Variants in MAP3K6 observed in about 807,000 individuals in gnomAD.
MAP3K6 encodes the protein mitogen-activated protein kinase kinase kinase 6, also known as apoptosis signal-regulating kinase 2.
MAP3K6 carries 105 observed loss-of-function variants against 147.1 expected under a neutral mutation model. The observed-to-expected ratio is 0.71, with a 90% confidence interval of 0.61 to 0.84. The LOEUF is 0.84. Ranked by LOEUF, MAP3K6 falls within the 40% of genes least tolerant of loss-of-function variation. The probability of loss-of-function intolerance (pLI) is 0.00; values close to 1 mark genes in which losing one functional copy is unlikely to be tolerated. For synonymous variants in MAP3K6, 695 were observed against 732.4 expected (o/e 0.95, Z 0.82); for missense variants, 1,569 against 1,715.0 (o/e 0.91, Z 1.50).
chr1:27,363,803 A>G (rs1374313122), intron 5 of MAP3K6, 114 bp downstream of exon 5: 2 of 1,048,968 alleles, frequency 1.9e-6, no homozygotes, highest in Admixed American at 2.7e-5. Flanking sequence ...ACTCAGAGAC[A>G]TTGGATAATT....
chr1:27,360,373 G>A lies in MAP3K6; in HGVS notation c.2055-5C>T. The stretch of plus-strand genomic sequence containing the variant: ...TCATGCAGGGGCTGAGAGAACCTGA[G>A]GGGAGGTAAGGGAGAGAGGAAAGGG... On this transcript the variant is annotated splice_region_variant and splice_polypyrimidine_tract_variant and intron_variant, in intron 15 of 28. Coordinates refer to ENST00000357582, the MANE Select transcript of MAP3K6 (RefSeq NM_004672.5). This position sits in a 1 kb window ranked among gnomAD's most constrained non-coding sequence, Gnocchi z 4.5. The A allele has an allele frequency of 1.2e-6, 2 of 1,612,822 alleles. No homozygotes were observed. Among genetic ancestry groups the A allele is most frequent in the Non-Finnish European group, 1.7e-6 (2 of 1,179,540 alleles).
In MAP3K6 at chr1:27,360,776, C is replaced by A. The variant is rs769286392; in HGVS notation, c.1983G>T (p.Val661=). The part of the protein sequence containing the change: ...RLVLGKGTYG[V]VYAGRDRHTR... ...TGTGGCGATCGCGGCCCGCGTACAC[C>A]ACCCCATACGTGCCCTTGCCCAGCA... The change falls in exon 15 of 29, where the codon GTG becomes GTT. Residue 661 remains valine (V), a synonymous_variant. Coordinates refer to ENST00000357582, the MANE Select transcript of MAP3K6 (RefSeq NM_004672.5). The surrounding 1 kb of genome is among the most constrained non-coding windows in gnomAD (Gnocchi z 4.5). The A allele has an allele frequency of 6.2e-7, 1 of 1,612,716 alleles. No individual in the cohort carries two copies. Among genetic ancestry groups the A allele is most frequent in the South Asian group, 1.1e-5 (1 of 91,082 alleles).
At chr1:27,355,811 C>T (rs2148045285) in intron 27 of MAP3K6, 66 bp from the exon 28 acceptor site, 1 of 1,468,896 alleles carries the variant, frequency 6.8e-7, no homozygotes, top group South Asian at 1.1e-5. Flanking sequence ...TGTCGAGACC[C>T]AGGTACTAGC....
Position 27,360,344 on chromosome 1 carries a change from C to T in MAP3K6, c.2079G>A (p.Glu693=). ...DSRFSQPLHE[E]IALHRRLRHK... Reference sequence around the variant, plus strand: ...GGCGCAGGCGTCTGTGAAGAGCGATCTCTTCATGCAGGGGCTGAGAGAACC... The same window carrying T: ...GGCGCAGGCGTCTGTGAAGAGCGATTTCTTCATGCAGGGGCTGAGAGAACC... The change falls in exon 16 of 29, where the codon GAG becomes GAA. Residue 693 remains glutamate (E), a synonymous_variant. Coordinates refer to ENST00000357582, the MANE Select transcript of MAP3K6 (RefSeq NM_004672.5). This position sits in a 1 kb window ranked among gnomAD's most constrained non-coding sequence, Gnocchi z 4.5. 6.2e-7 allele frequency: 1 copy of T among 1,613,964 alleles called. No homozygotes were observed. The highest frequency in any genetic ancestry group is 8.5e-7 in the Non-Finnish European group (1 of 1,179,978).
chr1:27,357,033 C>G lies in MAP3K6; in HGVS notation c.3340G>C (p.Ala1114Pro). Residue 1114 changes from alanine (A) to proline (P), a missense_variant, in exon 24 of 29, where the codon GCA (alanine) becomes CCA (proline). By Grantham distance (27) the Ala-to-Pro change is conservative. Coordinates refer to ENST00000357582, the MANE Select transcript of MAP3K6 (RefSeq NM_004672.5). ...CCCGGTCCTAGCACACCCAGGGCTG[C>G]CCGCACAGCACGGCTGAGCAGTGAG... ...LDSLLSRAVR[A>P]ALGVLGPEVE... 6.2e-7 allele frequency: 1 copy of G among 1,613,978 alleles called. No individual in the cohort carries two copies. Among genetic ancestry groups the G allele is most frequent in the Non-Finnish European group, 8.5e-7 (1 of 1,179,978 alleles).
rs1288971542 is a variant in MAP3K6, at chr1:27,356,587, T to C, written c.3524+3A>G. 5 of 1,612,442 alleles carry C rather than the reference T, an allele frequency of 3.1e-6. No homozygotes were observed. The highest frequency in any genetic ancestry group is 4.2e-6 in the Non-Finnish European group (5 of 1,179,138). On this transcript the variant is annotated splice_donor_region_variant and intron_variant, in intron 25 of 28. Transcript: ENST00000357582. ...GGCTATGAGCGATTCCAAGGGGCTT[T>C]ACCGATCAGTCTCTGCCCTCAAGAG...
rs1304893285 is a variant in MAP3K6, at chr1:27,358,351, C to T, written c.2777-32G>A. The T allele has an allele frequency of 5.7e-6, 9 of 1,592,666 alleles. No individual in the cohort carries two copies. Among genetic ancestry groups the T allele is most frequent in the African/African-American group, 1.4e-5 (1 of 73,188 alleles). On this transcript the variant is annotated intron_variant, in intron 20 of 28. Coordinates refer to ENST00000357582, the MANE Select transcript of MAP3K6 (RefSeq NM_004672.5). This position sits in a 1 kb window ranked among gnomAD's most constrained non-coding sequence, Gnocchi z 6.2. ...GAGGGACAGAGCCATCAGCTGGGCT[C>T]TCCTCCACCCTCACAGCTCCACAAC...
chr1:27,358,546 G>C lies in MAP3K6; in HGVS notation c.2649C>G (p.Leu883=). ...GGGGGTCTGGCTCAAAAGTTCGGAG[G>C]AGAAAGGCTTGGGCCTCGGCCGACA... ...SSLSAEAQAF[L]LRTFEPDPRL... is the part of the protein sequence containing the mutation. The change falls in exon 20 of 29, where the codon CTC becomes CTG. Residue 883 remains leucine, a synonymous_variant. Coordinates refer to ENST00000357582, the MANE Select transcript of MAP3K6 (RefSeq NM_004672.5). The surrounding 1 kb of genome is among the most constrained non-coding windows in gnomAD (Gnocchi z 6.2). 6.2e-7 allele frequency: 1 copy of C among 1,612,788 alleles called. No homozygotes were observed. The highest frequency in any genetic ancestry group is 8.5e-7 in the Non-Finnish European group (1 of 1,179,586).
Position 27,361,276 on chromosome 1 carries a change from T to G in MAP3K6, c.1737-24A>C, listed in dbSNP as rs753196261. 2.1e-5 allele frequency: 34 copies of G among 1,613,074 alleles called. No individual in the cohort carries two copies. In the South Asian group the frequency reaches 3.7e-4, roughly 18 times the overall value. On this transcript the variant is annotated intron_variant, in intron 12 of 28. Coordinates refer to ENST00000357582, the MANE Select transcript of MAP3K6 (RefSeq NM_004672.5). The stretch of plus-strand genomic sequence containing the variant: ...CGCTGGGAAGGGATGAAGAACCCAG[T>G]AAGCGTCAGGCTGGGTGGCAGCGAC...
chr1:27,362,837 A>T lies in MAP3K6; in HGVS notation c.1142+14T>A, dbSNP rs776955863. ...TCACAGCTTAGCCCACCGGCCACTC[A>T]CTGTGCTCTTTACCAGTGATAGGCC... On this transcript the variant is annotated intron_variant, in intron 7 of 28. Coordinates refer to ENST00000357582, the MANE Select transcript of MAP3K6 (RefSeq NM_004672.5). 3 of 1,613,554 alleles carry T rather than the reference A, an allele frequency of 1.9e-6. No homozygotes were observed. In the East Asian group the frequency reaches 6.7e-5, roughly 36 times the overall value.
At chr1:27,362,826 A>C in intron 7 of MAP3K6, 25 bp downstream of exon 7, 1 of 1,612,870 alleles carries the variant, frequency 6.2e-7, no homozygotes, top group Non-Finnish European at 8.5e-7. Context: ...AGCTTAGCCC[A>C]CCGGCCACTC....
chr1:27,362,955 G>A lies in MAP3K6; in HGVS notation c.1038C>T (p.Gly346=), dbSNP rs1213483137. 6.2e-7 allele frequency: 1 copy of A among 1,613,948 alleles called. No individual in the cohort carries two copies. Among genetic ancestry groups the A allele is most frequent in the Admixed American group, 1.7e-5 (1 of 59,998 alleles). ...SVLLPLVQLE[G]SVAPDLYCMC... is the part of the protein sequence containing the mutation. ...TGCAGTACAGATCGGGCGCCACAGA[G>A]CCCTCAAGCTGTACCAGCGGCAGCA... is the stretch of plus-strand genomic sequence containing the variant. Residue 346 remains glycine, a synonymous_variant, in exon 7 of 29, where the codon GGC becomes GGT. Coordinates refer to ENST00000357582, the MANE Select transcript of MAP3K6 (RefSeq NM_004672.5).
At chr1:27,357,201 G>A in intron 23 of MAP3K6, 87 bp from the exon 24 acceptor site, 4 of 1,364,784 alleles carry the variant, frequency 2.9e-6, no homozygotes, top group East Asian at 2.4e-5. Context: ...AGTCTTCGGC[G>A]GGAGGCGAGT....
chr1:27,362,744 C>T lies in MAP3K6; in HGVS notation c.1152G>A (p.Lys384=), dbSNP rs765491624. 15 of 1,612,718 alleles carry T rather than the reference C, an allele frequency of 9.3e-6. No individual in the cohort carries two copies. Among genetic ancestry groups the T allele is most frequent in the Middle Eastern group, 1.7e-4 (1 of 6,056 alleles). Residue 384 remains lysine, a synonymous_variant, in exon 8 of 29, where the codon AAG becomes AAA. Transcript: ENST00000357582. Reference sequence around the variant, plus strand: ...GAAGGCTGGGCTCTACGTCAAAAGCCTTGCGATACCTGGGGTGGGGGTAGG... The same window carrying T: ...GAAGGCTGGGCTCTACGTCAAAAGCTTTGCGATACCTGGGGTGGGGGTAGG... ...HREQAYHWYR[K]AFDVEPSLHS...
chr1:27,364,494 T>C lies in MAP3K6; in HGVS notation c.505-100A>G. ...AGGTCAGCATCAGTGGGAATTGGAA[T>C]CGCAGGAAAGGGGCACCCGTCATGA... is the stretch of plus-strand genomic sequence containing the variant. On this transcript the variant is annotated intron_variant, in intron 3 of 28. Coordinates refer to ENST00000357582, the MANE Select transcript of MAP3K6 (RefSeq NM_004672.5). The surrounding 1 kb of genome is among the most constrained non-coding windows in gnomAD (Gnocchi z 4.4). 1 of 1,551,718 alleles carries C rather than the reference T, an allele frequency of 6.4e-7. No homozygotes were observed. Among genetic ancestry groups the C allele is most frequent in the South Asian group, 1.1e-5 (1 of 89,090 alleles).
chr1:27,364,311 C>G lies in MAP3K6; in HGVS notation c.588G>C (p.Arg196=). The G allele has an allele frequency of 6.2e-7, 1 of 1,614,076 alleles. No homozygotes were observed. The highest frequency in any genetic ancestry group is 8.5e-7 in the Non-Finnish European group (1 of 1,180,044). Reference sequence around the variant, plus strand: ...CCTGTACCAGCCCATCAGCCAGGCCCCGCAGAAGGCCTGCATCACCACACA... The same window carrying G: ...CCTGTACCAGCCCATCAGCCAGGCCGCGCAGAAGGCCTGCATCACCACACA... ...RVLCGDAGLL[R]GLADGLVQAG... The change falls in exon 4 of 29, where the codon CGG becomes CGC. Residue 196 remains arginine, a synonymous_variant. Transcript: ENST00000357582. The surrounding 1 kb of genome is among the most constrained non-coding windows in gnomAD (Gnocchi z 4.4).
In MAP3K6 at chr1:27,358,178, C is replaced by T. The variant is rs778400586; in HGVS notation, c.2915+3G>A. ...GAACCCATCCCAGGAGCCTTGGTCTCACCGGAGCTGGCTGGTGCCCCCATA... is the reference window on the plus strand; with the variant it reads ...GAACCCATCCCAGGAGCCTTGGTCTTACCGGAGCTGGCTGGTGCCCCCATA... On this transcript the variant is annotated splice_donor_region_variant and intron_variant, in intron 21 of 28. Transcript: ENST00000357582. This position sits in a 1 kb window ranked among gnomAD's most constrained non-coding sequence, Gnocchi z 6.2. 4 of 1,582,998 alleles carry T rather than the reference C, an allele frequency of 2.5e-6. No individual in the cohort carries two copies. In the South Asian group the frequency reaches 4.6e-5, roughly 18 times the overall value.
At chr1:27,357,304 A>G in intron 23 of MAP3K6, 96 bp downstream of exon 23, 1 of 1,471,680 alleles carries the variant, frequency 6.8e-7, no homozygotes, top group East Asian at 2.3e-5. Context: ...CAGAGGAGAC[A>G]GGGAATCTGG....
chr1:27,364,054 T>C lies in MAP3K6; in HGVS notation c.727A>G (p.Ile243Val). 1.2e-6 allele frequency: 2 copies of C among 1,612,954 alleles called. No homozygotes were observed. Among genetic ancestry groups the C allele is most frequent in the Non-Finnish European group, 1.7e-6 (2 of 1,179,916 alleles). ...GYFRETIRRD[I>V]RQARERFSGP... is the part of the protein sequence containing the mutation. Reference sequence around the variant, plus strand: ...CTGAACCGCTCCCGCGCCTGCCGGATGTCCCGCCGAATGGTCTCCCGGAAA... The same window carrying C: ...CTGAACCGCTCCCGCGCCTGCCGGACGTCCCGCCGAATGGTCTCCCGGAAA... The change falls in exon 5 of 29, where the codon ATC becomes GTC. Residue 243 changes from isoleucine (I) to valine (V), a missense_variant. Transcript: ENST00000357582. The surrounding 1 kb of genome is among the most constrained non-coding windows in gnomAD (Gnocchi z 4.4).
Sources: allele counts gnomAD v4.1 joint callset, GRCh38; gene constraint gnomAD v4.1.1; non-coding constraint Gnocchi (gnomAD v3.1); transcripts MANE v1.5; gene names NCBI Gene and HGNC (gene_info 2026-07-23, HGNC 2026-07-21).